The following PHLPP1 variants were observed in gnomAD, a reference collection of about 807,000 sequenced individuals.
The protein encoded by PHLPP1 is PH domain and leucine rich repeat protein phosphatase 1.
A neutral mutation model predicts 117.2 loss-of-function variants in PHLPP1; 42 were observed. The ratio of observed to expected loss-of-function variants is 0.36; its 90% CI spans 0.28 to 0.46. The LOEUF (loss-of-function observed/expected upper bound fraction) is 0.46. PHLPP1 is among the 20% of genes least tolerant of loss of function. The pLI is 1.00. For synonymous variants in PHLPP1, 1,042 were observed against 970.7 expected (o/e 1.07, Z -1.37); for missense variants, 2,084 against 2,241.9 (o/e 0.93, Z 1.42).
At chr18:62,948,861 T>C (rs1171306041) in intron 12 of PHLPP1, among the ~76,000 whole-genome samples, 1 of 152,152 alleles carries the variant, frequency 6.6e-6, no homozygotes, top group Admixed American at 6.6e-5. Flanking sequence ...TAAGTTGCAA[T>C]ATAAGTATGT....
At chr18:62,850,389 G>A (rs538886891) in intron 3 of PHLPP1, among the ~76,000 whole-genome samples, 1 of 141,350 alleles carries the variant, frequency 7.1e-6, no homozygotes, top group Non-Finnish European at 1.6e-5. Context: ...TCCATCTCGG[G>A]GGGGCGGGGG....
chr18:62,957,352 A>T (rs770708587), intron 12 of PHLPP1, among the ~76,000 whole-genome samples: 2 of 152,124 alleles, frequency 1.3e-5, no homozygotes, highest in Admixed American at 6.5e-5. Flanking sequence ...TGTAACCAAC[A>T]TGACCCTTTT....
intron 1 of PHLPP1, among the ~76,000 whole-genome samples, chr18:62,796,199 T>C: frequency 6.6e-6 from 1 of 152,250 alleles, no homozygotes; most frequent in Non-Finnish European, 1.5e-5. Context: ...TTTGTAAAAC[T>C]CAGAATTTTC....
At chr18:62,950,562 T>C (rs1161640838) in intron 12 of PHLPP1, among the ~76,000 whole-genome samples, 1 of 152,130 alleles carries the variant, frequency 6.6e-6, no homozygotes, top group African/African-American at 2.4e-5. Flanking sequence ...CTGGGTAGAA[T>C]GGATGGAAGA....
At chr18:62,939,853 T>TA (rs1910078390) in intron 10 of PHLPP1, among the ~76,000 whole-genome samples, 2 of 152,142 alleles carry the variant, frequency 1.3e-5, no homozygotes, top group South Asian at 4.1e-4. Flanking sequence ...TCTCCAAGAT[T>TA]AAAAATAACT....
chr18:62,775,730 G>GAAGTAT (rs1568113621), intron 1 of PHLPP1, among the ~76,000 whole-genome samples: 1 of 152,104 alleles, frequency 6.6e-6, no homozygotes, highest in Admixed American at 6.5e-5. Flanking sequence ...ACTGTCATTT[G>GAAGTAT]AAGTATATAA....
intron 10 of PHLPP1, among the ~76,000 whole-genome samples, chr18:62,933,175 A>G (rs983111942): frequency 6.6e-6 from 1 of 152,238 alleles, no homozygotes; most frequent in African/African-American, 2.4e-5. Flanking sequence ...TATCATTTAA[A>G]TGGTTATACT....
chr18:62,842,922 C>CT (rs1327988153), intron 3 of PHLPP1: 1 of 152,090 alleles, frequency 6.6e-6, no homozygotes, highest in Admixed American at 6.6e-5. Context: ...ATGTCTTTTC[C>CT]TTTTTAACCT....
At chr18:62,877,259 G>T (rs560802880) in intron 4 of PHLPP1, among the ~76,000 whole-genome samples, 30 of 152,256 alleles carry the variant, frequency 2.0e-4, no homozygotes, top group African/African-American at 7.0e-4. Flanking sequence ...TTTATTGAAA[G>T]ATTTTAGTTT....
At chr18:62,962,468 CAGCTAATTTTTTGTATTTTT>C (rs1180063649) in intron 13 of PHLPP1, among the ~76,000 whole-genome samples, 1 of 152,112 alleles carries the variant, frequency 6.6e-6, no homozygotes, top group Non-Finnish European at 1.5e-5. Context: ...CCACCATGCC[CAGCTAATTTTTTGTATTTTT>C]AGTAGAGACA....
intron 3 of PHLPP1, among the ~76,000 whole-genome samples, chr18:62,848,253 C>T (rs766389708): frequency 1.7e-4 from 26 of 152,042 alleles, no homozygotes; most frequent in Non-Finnish European, 3.4e-4. Context: ...TGCTCTTTTG[C>T]TCCCTCAACT....
At chr18:62,854,983 C>T (rs990959617) in intron 3 of PHLPP1, among the ~76,000 whole-genome samples, 1 of 152,136 alleles carries the variant, frequency 6.6e-6, no homozygotes, top group Non-Finnish European at 1.5e-5. Context: ...AGGCATGAGC[C>T]CCTACACCCA....
chr18:62,789,919 T>G (rs1195284774), intron 1 of PHLPP1, among the ~76,000 whole-genome samples: 1 of 152,208 alleles, frequency 6.6e-6, no homozygotes, highest in Non-Finnish European at 1.5e-5. Flanking sequence ...TTAATGAGCT[T>G]GATAGGTCAT....
In PHLPP1 at chr18:62,972,717, C is replaced by CAA; in HGVS notation, c.3755+10_3755+11insAA. ...TTCATTGTCATGCAAAGGTAAAACT[C>CAA]AGAGTTCCTGCTTACCTGCTGTGTG... On this transcript the variant is annotated intron_variant, in intron 15 of 16. Coordinates refer to ENST00000262719, the MANE Select transcript of PHLPP1 (RefSeq NM_194449.4). The CAA allele has an allele frequency of 1.3e-6, 2 of 1,596,798 alleles. No individual in the cohort carries two copies. The highest frequency in any genetic ancestry group is 1.1e-5 in the South Asian group (1 of 90,310).
chr18:62,798,378 T>C (rs1042961023), intron 1 of PHLPP1, among the ~76,000 whole-genome samples: 1 of 152,214 alleles, frequency 6.6e-6, no homozygotes, highest in African/African-American at 2.4e-5. Flanking sequence ...TTCTTAAATT[T>C]TTCTTTGAAA....
intron 4 of PHLPP1, among the ~76,000 whole-genome samples, chr18:62,865,986 A>G (rs974980078): frequency 6.6e-6 from 1 of 152,204 alleles, no homozygotes; most frequent in Non-Finnish European, 1.5e-5. Flanking sequence ...CTCATGACAC[A>G]CGTTTACCTG....
At position 62,860,544 on chromosome 18, in the gene PHLPP1, A is replaced by C. The variant is rs780674753; in HGVS notation, c.2009A>C (p.Asn670Thr). 2 of 1,613,748 alleles carry C rather than the reference A, an allele frequency of 1.2e-6. No homozygotes were observed. The highest frequency in any genetic ancestry group is 1.7e-6 in the Non-Finnish European group (2 of 1,179,806). ...CTCACTCATCTCAATTTAAAACAAA[A>C]CTTCCTAAGGCAGAACCCTAGCCTT... Reference protein sequence around the residue: ...QDLTHLNLKQNFLRQNPSLPA... With the variant: ...QDLTHLNLKQTFLRQNPSLPA... Residue 670 changes from asparagine (N) to threonine (T), a missense_variant, in exon 4 of 17, where the codon AAC (asparagine) becomes ACC (threonine). Asn to Thr is a moderately conservative substitution (Grantham distance 65). Around this residue, in one of 2 missense-constraint regions of PHLPP1, gnomAD observed 1,365 missense variants for 1,605.9 expected, o/e 0.85. Transcript: ENST00000262719.
chr18:62,916,864 G>A (rs1397850066), intron 9 of PHLPP1, among the ~76,000 whole-genome samples: 3 of 141,660 alleles, frequency 2.1e-5, no homozygotes, highest in Admixed American at 7.7e-5. Flanking sequence ...AGCAATTCTC[G>A]TGCCTCAGCC....
rs970160337 is a variant in PHLPP1 at position 62,979,545 on chromosome 18, C to A, written c.*114C>A. ...CCACATCCTTCCCCCAGACACTGTT[C>A]CCAACCTGTCATCGCAGCTAATCTG... On this transcript the variant is annotated 3_prime_UTR_variant, in exon 17 of 17. Transcript: ENST00000262719. 6.9e-6 allele frequency: 8 copies of A among 1,160,944 alleles called. No homozygotes were observed. The highest frequency in any genetic ancestry group is 9.6e-6 in the Non-Finnish European group (8 of 835,378). The allele number at this position is 1,160,944 out of a possible 1,614,324, so 71.9% of individuals were successfully genotyped here.
Sources: allele counts gnomAD v4.1 joint callset (sites outside exome capture counted in the v4.1 genomes callset), GRCh38; gene constraint gnomAD v4.1.1; regional missense constraint gnomAD v4.1.1; transcripts MANE v1.5; gene names NCBI Gene and HGNC (gene_info 2026-07-23, HGNC 2026-07-21).